COL21A1: variants seen among roughly 807,000 people sequenced by gnomAD.
The protein encoded by COL21A1 is collagen alpha-1(XXI) chain.
In COL21A1, 149 loss-of-function variants were observed where a neutral mutation model predicts 137.9. The ratio of observed to expected loss-of-function variants is 1.08; its 90% CI spans 0.95 to 1.24. The LOEUF is 1.24. Ranked by LOEUF, COL21A1 falls within the 50% of genes most tolerant of loss-of-function variation. The probability of loss-of-function intolerance (pLI) is 0.00; values close to 1 mark genes in which losing one functional copy is unlikely to be tolerated. For synonymous variants in COL21A1, 456 were observed against 391.5 expected, an observed-to-expected ratio of 1.16 and a Z score of -1.95; for missense variants, 1,167 against 1,158.4, an observed-to-expected ratio of 1.01 and a Z score of -0.11.
intron 1 of COL21A1, among the ~76,000 whole-genome samples, chr6:56,227,388 C>T (rs3846926): frequency 0.56 from 85,554 of 151,764 alleles, 24,372 homozygotes; most frequent in East Asian, 0.77. Flanking sequence ...AAATCCCATA[C>T]GCTTGTTAAG....
intron 1 of COL21A1, among the ~76,000 whole-genome samples, chr6:56,322,991 G>T (rs1764910280): frequency 6.6e-6 from 1 of 151,742 alleles, no homozygotes; most frequent in East Asian, 1.9e-4. Flanking sequence ...CATAGAGAGT[G>T]GAATAATAGA....
chr6:56,292,590 C>A (rs1175040719), intron 1 of COL21A1, among the ~76,000 whole-genome samples: 1 of 152,184 alleles, frequency 6.6e-6, no homozygotes, highest in Non-Finnish European at 1.5e-5. Context: ...GGCAAATGTG[C>A]CTGGTTCACC....
At chr6:56,385,748 C>T (rs1322462760) in intron 1 of COL21A1, among the ~76,000 whole-genome samples, 3 of 150,200 alleles carry the variant, frequency 2.0e-5, no homozygotes, top group Admixed American at 6.6e-5. Context: ...CCTGACAACC[C>T]TCAATCTGCT....
intron 7 of COL21A1, among the ~76,000 whole-genome samples, chr6:56,165,907 TAC>T (rs61397350): frequency 0.031 from 3,313 of 105,642 alleles, 54 homozygotes; most frequent in Admixed American, 0.042. Context: ...GGGGATTGAT[TAC>T]ACACACACAC....
chr6:56,298,943 C>A (rs1473505985), intron 1 of COL21A1, among the ~76,000 whole-genome samples: 1 of 152,072 alleles, frequency 6.6e-6, no homozygotes, highest in African/African-American at 2.4e-5. Context: ...AACTTATATT[C>A]AAAGTCATAG....
intron 16 of COL21A1, among the ~76,000 whole-genome samples, chr6:56,107,491 T>C (rs994455955): frequency 6.6e-6 from 1 of 152,182 alleles, no homozygotes; most frequent in Non-Finnish European, 1.5e-5. Flanking sequence ...TTTTAAATTC[T>C]GAAACATATG....
Position 56,180,138 on chromosome 6 carries a change from A to C in COL21A1, c.89-9T>G. 1 of 1,589,084 alleles carries C rather than the reference A, an allele frequency of 6.3e-7. No individual in the cohort carries two copies. The highest frequency in any genetic ancestry group is 8.5e-7 in the Non-Finnish European group (1 of 1,170,414). On this transcript the variant is annotated splice_polypyrimidine_tract_variant and intron_variant, in intron 2 of 29. Transcript: ENST00000244728. ...CGGAGCAGTACGACAACCTAAGTGC[A>C]AAAGAAAACCATCATAGCACATCTT...
chr6:56,238,712 A>T (rs975128007), intron 1 of COL21A1, among the ~76,000 whole-genome samples: 1 of 152,106 alleles, frequency 6.6e-6, no homozygotes, highest in East Asian at 1.9e-4. Context: ...TCTCCCAAGT[A>T]CTAGGTGGAT....
chr6:56,263,384 A>G (rs1231610713), intron 1 of COL21A1, among the ~76,000 whole-genome samples: 1 of 152,200 alleles, frequency 6.6e-6, no homozygotes, highest in Non-Finnish European at 1.5e-5. Context: ...CACAAAGGCC[A>G]TATTTGGAGA....
At chr6:56,077,050 A>G (rs1238186092) in intron 18 of COL21A1, among the ~76,000 whole-genome samples, 2 of 151,498 alleles carry the variant, frequency 1.3e-5, no homozygotes, top group African/African-American at 4.8e-5. Flanking sequence ...GTTAACAATG[A>G]AAGCCAAAAA....
intron 28 of COL21A1, among the ~76,000 whole-genome samples, chr6:56,059,738 A>G (rs1035623451): frequency 2.0e-5 from 3 of 152,172 alleles, no homozygotes; most frequent in East Asian, 3.9e-4. Flanking sequence ...GTGATTTTCT[A>G]TTTAAAAACT....
chr6:56,391,035 T>A (rs1190617651), intron 1 of COL21A1, among the ~76,000 whole-genome samples: 1 of 152,180 alleles, frequency 6.6e-6, no homozygotes, highest in Non-Finnish European at 1.5e-5. Flanking sequence ...CTCCTCTGCT[T>A]ATGGAACATT....
At chr6:56,238,417 G>A (rs576565017) in intron 1 of COL21A1, among the ~76,000 whole-genome samples, 104 of 148,918 alleles carry the variant, frequency 7.0e-4, no homozygotes, top group African/African-American at 2.5e-3. Context: ...GCTGAAACTC[G>A]GGGCAGTCTT....
intron 16 of COL21A1, among the ~76,000 whole-genome samples, chr6:56,109,360 C>A (rs957241812): frequency 1.3e-5 from 2 of 151,364 alleles, no homozygotes; most frequent in African/African-American, 2.4e-5. Context: ...GAAATGATGA[C>A]CAAGGGAGAA....
At chr6:56,231,168 A>G (rs1438461299) in intron 1 of COL21A1, 1 of 151,908 alleles carries the variant, frequency 6.6e-6, no homozygotes, top group African/African-American at 2.4e-5. Flanking sequence ...AATTAATACC[A>G]TCCTGACATT....
At chr6:56,145,583 G>A (rs954597194) in intron 10 of COL21A1, among the ~76,000 whole-genome samples, 3 of 152,028 alleles carry the variant, frequency 2.0e-5, no homozygotes, top group African/African-American at 2.4e-5. Context: ...ACTCATAGCA[G>A]GGTCAACCTT....
chr6:56,058,396 A>C (rs1233645156), intron 29 of COL21A1, among the ~76,000 whole-genome samples: 1 of 152,182 alleles, frequency 6.6e-6, no homozygotes, highest in Non-Finnish European at 1.5e-5. Context: ...TAGTTCAATT[A>C]GCATGCTCAA....
At chr6:56,372,056 T>A (rs1359991292) in intron 1 of COL21A1, among the ~76,000 whole-genome samples, 1 of 152,158 alleles carries the variant, frequency 6.6e-6, no homozygotes, top group Admixed American at 6.5e-5. Context: ...AAGATGTTTA[T>A]TCCCCCAGAG....
chr6:56,136,621 C>T (rs532895074), intron 12 of COL21A1, among the ~76,000 whole-genome samples: 1 of 152,118 alleles, frequency 6.6e-6, no homozygotes, highest in South Asian at 2.1e-4. Flanking sequence ...TCAGTCAGGT[C>T]AAGATTATTT....
Sources: allele counts gnomAD v4.1 joint callset (sites outside exome capture counted in the v4.1 genomes callset), GRCh38; gene constraint gnomAD v4.1.1; transcripts MANE v1.5; gene names NCBI Gene and HGNC (gene_info 2026-07-23, HGNC 2026-07-21).